WDHD1: variants seen among roughly 807,000 people sequenced by gnomAD.
WDHD1 encodes WD repeat and HMG-box DNA binding protein 1.
WDHD1 carries 111 observed loss-of-function variants against 135.4 expected under a neutral mutation model. The ratio of observed to expected loss-of-function variants is 0.82; its 90% CI spans 0.70 to 0.96. The LOEUF is 0.96. Ranked by LOEUF, WDHD1 falls within the 40% of genes least tolerant of loss-of-function variation. The pLI is 0.00. For missense variants in WDHD1, 1,351 were observed against 1,336.3 expected (o/e 1.01, Z -0.17); for synonymous variants, 434 against 439.0 (o/e 0.99, Z 0.14).
intron 9 of WDHD1, 72 bp from the exon 10 acceptor site, chr14:55,000,716 T>A (rs2041966409): frequency 3.1e-6 from 4 of 1,285,416 alleles, no homozygotes; most frequent in Non-Finnish European, 4.0e-6. Flanking sequence ...TTAGGTAAAT[T>A]TTAGTTAGGA....
intron 3 of WDHD1, among the ~76,000 whole-genome samples, chr14:55,012,855 C>G (rs1327364518): frequency 6.6e-6 from 1 of 152,070 alleles, no homozygotes; most frequent in Non-Finnish European, 1.5e-5. Context: ...TCAGTAGACC[C>G]CACCTCCCAC....
chr14:54,956,463 C>T (rs1274808246), intron 23 of WDHD1, among the ~76,000 whole-genome samples: 1 of 151,870 alleles, frequency 6.6e-6, no homozygotes, highest in Non-Finnish European at 1.5e-5. Flanking sequence ...CATGCTGAAA[C>T]CCCATCTCTA....
intron 16 of WDHD1, among the ~76,000 whole-genome samples, chr14:54,972,626 T>C (rs2041459664): frequency 7.0e-6 from 1 of 143,296 alleles, no homozygotes; most frequent in Non-Finnish European, 1.5e-5. Flanking sequence ...TCCATCAGTT[T>C]GGGAATTCTT....
chr14:55,021,385 G>A (rs1252067524), intron 2 of WDHD1, among the ~76,000 whole-genome samples: 2 of 151,406 alleles, frequency 1.3e-5, no homozygotes, highest in Admixed American at 6.6e-5. Context: ...CTAACTCTTC[G>A]GTTTAGTGTC....
intron 15 of WDHD1, among the ~76,000 whole-genome samples, chr14:54,981,941 G>A (rs915317120): frequency 1.3e-5 from 2 of 151,836 alleles, no homozygotes; most frequent in Non-Finnish European, 2.9e-5. Context: ...TGAAAAAACT[G>A]AGTTTCAGTG....
chr14:55,004,112 T>C (rs893556829), intron 7 of WDHD1, among the ~76,000 whole-genome samples: 5 of 152,320 alleles, frequency 3.3e-5, no homozygotes, highest in Middle Eastern at 3.4e-3. Context: ...AATAGAAAAG[T>C]TGAAATAATA....
rs2040836674 is a variant in WDHD1, at chr14:54,941,475, G to A, written c.*15C>T. 6.3e-7 allele frequency: 1 copy of A among 1,597,474 alleles called. No individual in the cohort carries two copies. The highest frequency in any genetic ancestry group is 1.1e-5 in the South Asian group (1 of 87,098). On this transcript the variant is annotated 3_prime_UTR_variant, in exon 26 of 26. Transcript: ENST00000360586. Reference sequence around the variant, plus strand: ...AAAAAAAAATCCATTACTTCCCTAGGGTCACTTTCTTCCTTTACTCCTGCT... The same window carrying A: ...AAAAAAAAATCCATTACTTCCCTAGAGTCACTTTCTTCCTTTACTCCTGCT...
At chr14:54,976,601 C>T (rs1468457817) in intron 16 of WDHD1, among the ~76,000 whole-genome samples, 2 of 152,130 alleles carry the variant, frequency 1.3e-5, no homozygotes, top group African/African-American at 2.4e-5. Context: ...TTCCATGTAC[C>T]GCTATCCACA....
intron 2 of WDHD1, among the ~76,000 whole-genome samples, chr14:55,021,643 C>T (rs1430760826): frequency 6.6e-6 from 1 of 152,204 alleles, no homozygotes; most frequent in African/African-American, 2.4e-5. Context: ...GCCTGGGCCT[C>T]CCAAAGTGCT....
At chr14:55,001,338 G>A (rs969370675) in intron 8 of WDHD1, among the ~76,000 whole-genome samples, 1 of 152,188 alleles carries the variant, frequency 6.6e-6, no homozygotes, top group Non-Finnish European at 1.5e-5. Context: ...ATTACTCACT[G>A]CAACTTTCAA....
intron 7 of WDHD1, chr14:55,005,248 C>CA: frequency 1.8e-6 from 1 of 540,544 alleles, no homozygotes; most frequent in South Asian, 1.4e-5. Flanking sequence ...CTGTGTGACA[C>CA]AGAGCAATGG....
intron 11 of WDHD1, among the ~76,000 whole-genome samples, chr14:54,992,278 G>A (rs533109602): frequency 6.6e-6 from 1 of 152,144 alleles, no homozygotes; most frequent in Admixed American, 6.5e-5. Flanking sequence ...ATCATTTGAG[G>A]TCAGGAGTCC....
intron 24 of WDHD1, among the ~76,000 whole-genome samples, chr14:54,945,232 G>C (rs188341640): frequency 2.6e-5 from 4 of 152,082 alleles, no homozygotes; most frequent in Non-Finnish European, 5.9e-5. Flanking sequence ...GGTGAAGCAC[G>C]GACACAGCAC....
chr14:54,992,193 G>A (rs867905892), intron 11 of WDHD1, among the ~76,000 whole-genome samples: 28 of 149,934 alleles, frequency 1.9e-4, no homozygotes, highest in African/African-American at 6.0e-4. Flanking sequence ...GGGAGACTCC[G>A]TCTCAAAAAA....
At chr14:55,009,096 A>G (rs910944943) in intron 4 of WDHD1, among the ~76,000 whole-genome samples, 7 of 152,102 alleles carry the variant, frequency 4.6e-5, no homozygotes, top group Non-Finnish European at 7.4e-5. Flanking sequence ...CGCCTGTCCA[A>G]GTATTTTAAA....
chr14:54,968,202 T>C (rs1277932800), intron 16 of WDHD1, among the ~76,000 whole-genome samples: 1 of 152,044 alleles, frequency 6.6e-6, no homozygotes, highest in Non-Finnish European at 1.5e-5. Flanking sequence ...TAGAAATCAA[T>C]ACTGAGGATC....
chr14:54,983,680 T>TA (rs113964065), intron 15 of WDHD1, among the ~76,000 whole-genome samples: 4,856 of 147,734 alleles, frequency 0.033, 250 homozygotes, highest in African/African-American at 0.11. Flanking sequence ...ATTTATTCCT[T>TA]AAAAAAAAAA....
chr14:54,987,123 A>G (rs916645126), intron 14 of WDHD1, 23 bp downstream of exon 14: 2 of 1,610,764 alleles, frequency 1.2e-6, no homozygotes, highest in Non-Finnish European at 1.7e-6. Flanking sequence ...ACTTCAAGTC[A>G]TAAAAGACTG....
rs772952119 is a variant in WDHD1, at chr14:54,966,632, A to G, written c.2179-26T>C. 6.3e-6 allele frequency: 10 copies of G among 1,587,214 alleles called. No homozygotes were observed. The South Asian group carries it at 1.2e-4, about 18-fold the overall frequency. On this transcript the variant is annotated intron_variant, in intron 17 of 25. Transcript: ENST00000360586. ...CTATAAAAGCAAATAAAATTGCTTAAGGCCAACTATCACCTTAATATGAGG... is the reference window on the plus strand; with the variant it reads ...CTATAAAAGCAAATAAAATTGCTTAGGGCCAACTATCACCTTAATATGAGG...
Sources: gnomAD v4.1 joint callset for allele counts (sites outside exome capture counted in the v4.1 genomes callset) on GRCh38, gnomAD v4.1.1 for gene constraint, MANE v1.5 for transcripts, NCBI Gene and HGNC (gene_info 2026-07-23, HGNC 2026-07-21) for gene names.